The following GABRA3 variants were observed in gnomAD, a reference collection of about 807,000 sequenced individuals.
GABRA3 encodes the protein gamma-aminobutyric acid receptor subunit alpha-3.
In GABRA3, 10 loss-of-function variants were observed where a neutral mutation model predicts 30.1. The ratio of observed to expected loss-of-function variants is 0.33; its 90% CI spans 0.20 to 0.56. The LOEUF (loss-of-function observed/expected upper bound fraction) is 0.56, where lower values mean the gene tolerates loss of function less well. GABRA3 is among the 20% of genes least tolerant of loss of function. The pLI is 0.89. For synonymous variants in GABRA3, 151 were observed against 146.8 expected, an observed-to-expected ratio of 1.03 and a Z score of -0.21; for missense variants, 233 against 392.0, an observed-to-expected ratio of 0.59 and a Z score of 3.42.
At chrX:152,278,298 C>A (rs1236440247) in intron 4 of GABRA3, among the ~76,000 whole-genome samples, 1 of 102,798 alleles carries the variant, frequency 9.7e-6, no homozygotes, top group Non-Finnish European at 2.0e-5. Context: ...TGTGATGTTC[C>A]CCTTCCTGTG....
At chrX:152,269,667 G>C (rs762912028) in intron 4 of GABRA3, among the ~76,000 whole-genome samples, 235 of 111,789 alleles carry the variant, frequency 2.1e-3, no homozygotes, top group African/African-American at 7.3e-3. Flanking sequence ...GAACAGAATG[G>C]AGAACCCAGA....
In GABRA3 at chrX:152,175,234, C is replaced by A. The variant is rs1021709428; in HGVS notation, c.1144-6671G>T. Reference sequence around the variant, plus strand: ...AAATACACTCATAAATGTCACCAATCCATCAATAGCAATGGATTTTTTTTT... The same window carrying A: ...AAATACACTCATAAATGTCACCAATACATCAATAGCAATGGATTTTTTTTT... On this transcript the variant is annotated intron_variant, in intron 9 of 9. Transcript: ENST00000370314. Among the ~76,000 whole-genome samples the A allele has an allele frequency of 7.3e-4, 78 of 107,240 alleles. 1 individual carries two copies. The highest frequency in any genetic ancestry group is 2.3e-4 in the Non-Finnish European group (12 of 52,322). 93.1% of individuals were successfully genotyped at this position (107,240 alleles called of 115,157 possible). A position where few individuals can be genotyped will look rare whatever the true frequency, so the allele number is the denominator to read the frequency against.
chrX:152,411,437 C>T (rs1321727340), intron 1 of GABRA3, among the ~76,000 whole-genome samples: 2 of 109,322 alleles, frequency 1.8e-5, no homozygotes, highest in South Asian at 3.9e-4. Flanking sequence ...ATTTGAGCAG[C>T]GGAAAAAAAG....
chrX:152,369,686 C>T (rs972170766), intron 1 of GABRA3, among the ~76,000 whole-genome samples: 1 of 111,499 alleles, frequency 9.0e-6, no homozygotes, highest in Admixed American at 9.6e-5. Context: ...TCCACACATT[C>T]CTCATACATC....
intron 6 of GABRA3, among the ~76,000 whole-genome samples, chrX:152,216,010 A>C: frequency 9.0e-6 from 1 of 111,109 alleles, no homozygotes; most frequent in Non-Finnish European, 1.9e-5. Flanking sequence ...ATCATTACAG[A>C]GATGCAAATC....
intron 6 of GABRA3, among the ~76,000 whole-genome samples, chrX:152,213,394 T>C (rs192186755): frequency 1.1e-4 from 12 of 110,870 alleles, no homozygotes; most frequent in East Asian, 8.5e-4. Context: ...ATAAATAATA[T>C]AGTAACAGAG....
intron 9 of GABRA3, among the ~76,000 whole-genome samples, chrX:152,174,907 G>T (rs779823088): frequency 8.9e-6 from 1 of 111,792 alleles, no homozygotes; most frequent in Non-Finnish European, 1.9e-5. Flanking sequence ...TTTTCTTCTG[G>T]GGTTTTTATG....
chrX:152,265,943 T>C (rs1023744266), intron 4 of GABRA3, among the ~76,000 whole-genome samples: 1 of 110,316 alleles, frequency 9.1e-6, no homozygotes, highest in African/African-American at 3.3e-5. Context: ...CATGAAGAAA[T>C]CCAAACCTGA....
intron 8 of GABRA3, among the ~76,000 whole-genome samples, chrX:152,190,306 C>G (rs1198266761): frequency 1.8e-5 from 2 of 110,050 alleles, no homozygotes; most frequent in Non-Finnish European, 3.8e-5. Context: ...CTTCTAGCTA[C>G]TGGTCCACAG....
chrX:152,228,999 T>C (rs1282702124), intron 5 of GABRA3, among the ~76,000 whole-genome samples: 3 of 111,397 alleles, frequency 2.7e-5, no homozygotes, highest in Middle Eastern at 4.7e-3. Context: ...ATATAAAAAA[T>C]AATTTCAAAG....
At chrX:152,182,830 ATATAGTATATAAATAC>A (rs1270565201) in intron 9 of GABRA3, among the ~76,000 whole-genome samples, 1 of 87,306 alleles carries the variant, frequency 1.1e-5, no homozygotes, top group Non-Finnish European at 2.2e-5. Flanking sequence ...ATATACATAT[ATATAGTATATAAATAC>A]TATAGTATAT....
intron 5 of GABRA3, among the ~76,000 whole-genome samples, chrX:152,246,052 A>G (rs1284012820): frequency 9.0e-6 from 1 of 111,656 alleles, no homozygotes. Context: ...AAAAGAAGAG[A>G]CCGAGACCCA....
chrX:152,354,926 T>A (rs1027632585), intron 2 of GABRA3, among the ~76,000 whole-genome samples: 2 of 111,745 alleles, frequency 1.8e-5, no homozygotes, highest in African/African-American at 6.5e-5. Flanking sequence ...TACATGTAAA[T>A]GGAAGGGTTT....
chrX:152,218,923 G>T (rs1937778443), intron 6 of GABRA3, among the ~76,000 whole-genome samples: 2 of 111,127 alleles, frequency 1.8e-5, no homozygotes, highest in South Asian at 7.5e-4. Flanking sequence ...TTCTAACTCT[G>T]TCATTCCAGA....
At chrX:152,199,637 A>G (rs1937452297) in intron 7 of GABRA3, among the ~76,000 whole-genome samples, 1 of 111,186 alleles carries the variant, frequency 9.0e-6, no homozygotes, top group East Asian at 2.8e-4. Flanking sequence ...TAAGATTTAT[A>G]TATTAGACAT....
chrX:152,199,119 C>A (rs1937431032), intron 7 of GABRA3, among the ~76,000 whole-genome samples: 1 of 111,365 alleles, frequency 9.0e-6, no homozygotes, highest in Non-Finnish European at 1.9e-5. Context: ...GTAATCCCAG[C>A]ACTTTGGGAG....
At chrX:152,291,871 C>T (rs953367160) in intron 3 of GABRA3, among the ~76,000 whole-genome samples, 3 of 111,900 alleles carry the variant, frequency 2.7e-5, no homozygotes, top group African/African-American at 9.8e-5. Context: ...CCAACTTCAT[C>T]GTGGCGGATA....
intron 4 of GABRA3, among the ~76,000 whole-genome samples, chrX:152,269,907 G>A (rs922603327): frequency 4.5e-5 from 5 of 111,763 alleles, no homozygotes; most frequent in South Asian, 3.8e-4. Context: ...AAAACATTGC[G>A]GAAATGCTCC....
intron 5 of GABRA3, among the ~76,000 whole-genome samples, chrX:152,231,141 G>GTATATA (rs79879261): frequency 9.8e-6 from 1 of 102,254 alleles, no homozygotes; most frequent in Admixed American, 1.1e-4. Context: ...AATGAGAAGT[G>GTATATA]TATATATATA....
Sources: allele counts gnomAD v4.1 joint callset (sites outside exome capture counted in the v4.1 genomes callset), GRCh38; gene constraint gnomAD v4.1.1; transcripts MANE v1.5; gene names NCBI Gene and HGNC (gene_info 2026-07-23, HGNC 2026-07-21).